The following BMP6 variants were observed in gnomAD, a reference collection of about 807,000 sequenced individuals.
BMP6 encodes VG-1-R.
BMP6 carries 17 observed loss-of-function variants against 54.1 expected under a neutral mutation model. That is an observed-to-expected ratio of 0.31 (90% CI 0.22 to 0.47). The LOEUF (loss-of-function observed/expected upper bound fraction) is 0.47, where lower values mean the gene tolerates loss of function less well. BMP6 is among the 20% of genes least tolerant of loss of function. The probability of loss-of-function intolerance (pLI) is 1.00; values close to 1 mark genes in which losing one functional copy is unlikely to be tolerated. For synonymous variants in BMP6, 328 were observed against 291.2 expected, an observed-to-expected ratio of 1.13 and a Z score of -1.28; for missense variants, 720 against 690.4, an observed-to-expected ratio of 1.04 and a Z score of -0.48.
chr6:7,777,734 C>T (rs1757882697), intron 1 of BMP6, among the ~76,000 whole-genome samples: 1 of 149,900 alleles, frequency 6.7e-6, no homozygotes, highest in Non-Finnish European at 1.5e-5. Flanking sequence ...CCCCAGTAAA[C>T]ACATCAGAAC....
intron 1 of BMP6, among the ~76,000 whole-genome samples, chr6:7,810,039 A>T (rs1380882351): frequency 6.6e-6 from 1 of 152,166 alleles, no homozygotes; most frequent in East Asian, 1.9e-4. Flanking sequence ...CCATTTTTTT[A>T]AAACAAAGAT....
chr6:7,831,158 G>A (rs1012621727), intron 1 of BMP6, among the ~76,000 whole-genome samples: 3 of 152,288 alleles, frequency 2.0e-5, no homozygotes, highest in South Asian at 2.1e-4. Flanking sequence ...GCTACAACAT[G>A]GATGCACCTT....
intron 1 of BMP6, among the ~76,000 whole-genome samples, chr6:7,732,556 C>T (rs1761883678): frequency 6.6e-6 from 1 of 152,222 alleles, no homozygotes; most frequent in Non-Finnish European, 1.5e-5. Context: ...AAACAATGCT[C>T]AGTGCTTGCT....
At chr6:7,876,599 C>T (rs532224791) in intron 4 of BMP6, among the ~76,000 whole-genome samples, 2 of 152,206 alleles carry the variant, frequency 1.3e-5, no homozygotes, top group South Asian at 4.1e-4. Flanking sequence ...TTAATTCTGT[C>T]TTCAGTTATG....
chr6:7,745,779 CAG>C (rs1757337299), intron 1 of BMP6, among the ~76,000 whole-genome samples: 2 of 151,154 alleles, frequency 1.3e-5, no homozygotes, highest in Non-Finnish European at 1.5e-5. Flanking sequence ...CTGGCCCAAA[CAG>C]AGCATGATGG....
chr6:7,731,796 C>G (rs1002052789), intron 1 of BMP6, among the ~76,000 whole-genome samples: 2 of 152,006 alleles, frequency 1.3e-5, no homozygotes, highest in African/African-American at 4.8e-5. Flanking sequence ...TATTAGTCAC[C>G]CATATGTATA....
At chr6:7,814,445 G>A (rs961515983) in intron 1 of BMP6, among the ~76,000 whole-genome samples, 4 of 152,122 alleles carry the variant, frequency 2.6e-5, no homozygotes, top group Non-Finnish European at 5.9e-5. Context: ...CCCGATTTCT[G>A]TCTTCCTGTT....
At chr6:7,737,492 T>C (rs903172851) in intron 1 of BMP6, among the ~76,000 whole-genome samples, 5 of 148,378 alleles carry the variant, frequency 3.4e-5, no homozygotes, top group African/African-American at 1.0e-4. Context: ...CAGAGCCTTC[T>C]AACACCAACT....
At chr6:7,753,795 C>A (rs1757461816) in intron 1 of BMP6, among the ~76,000 whole-genome samples, 1 of 152,174 alleles carries the variant, frequency 6.6e-6, no homozygotes, top group African/African-American at 2.4e-5. Flanking sequence ...GTTGTGCTTT[C>A]TATTTGCATT....
intron 1 of BMP6, among the ~76,000 whole-genome samples, chr6:7,747,099 C>T (rs1757359735): frequency 6.6e-6 from 1 of 152,180 alleles, no homozygotes; most frequent in Admixed American, 6.5e-5. Context: ...ATCCGCAAAA[C>T]TTCATTACCT....
intron 1 of BMP6, among the ~76,000 whole-genome samples, chr6:7,807,494 T>A (rs1758364309): frequency 6.6e-6 from 1 of 152,138 alleles, no homozygotes; most frequent in Admixed American, 6.5e-5. Context: ...TTGGCCAGAC[T>A]GGTCTCGAAC....
intron 1 of BMP6, among the ~76,000 whole-genome samples, chr6:7,783,887 T>C (rs985574744): frequency 1.3e-5 from 2 of 152,228 alleles, no homozygotes; most frequent in African/African-American, 4.8e-5. Context: ...GCAGGCCTTG[T>C]GGAATTCTGG....
At position 7,865,305 on chromosome 6, in the gene BMP6, A is replaced by G. The variant is rs1471019838; in HGVS notation, c.1204+2807A>G. ...CCACCTCCCAAGCCAGTACTTCCAAATTTGCTTTGTCCCTTTCAGTAGTAC... is the reference window on the plus strand; with the variant it reads ...CCACCTCCCAAGCCAGTACTTCCAAGTTTGCTTTGTCCCTTTCAGTAGTAC... On this transcript the variant is annotated intron_variant, in intron 4 of 6. Transcript: ENST00000283147. 2.0e-5 allele frequency among the ~76,000 whole-genome samples: 3 copies of G among 152,036 alleles called. No individual in the cohort carries two copies. The East Asian group carries it at 5.8e-4, about 29-fold the overall frequency.
intron 1 of BMP6, among the ~76,000 whole-genome samples, chr6:7,747,794 G>A (rs1757368139): frequency 1.3e-5 from 2 of 152,054 alleles, no homozygotes; most frequent in Non-Finnish European, 2.9e-5. Flanking sequence ...GTACAGGCAT[G>A]CACTACCTTG....
intron 1 of BMP6, among the ~76,000 whole-genome samples, chr6:7,822,795 G>A (rs933366706): frequency 2.6e-5 from 4 of 152,106 alleles, no homozygotes; most frequent in Admixed American, 2.0e-4. Flanking sequence ...AGGCACCAGC[G>A]TCAGCAATTC....
intron 1 of BMP6, among the ~76,000 whole-genome samples, chr6:7,738,987 T>A (rs771589398): frequency 8.5e-4 from 129 of 152,244 alleles, no homozygotes; most frequent in Non-Finnish European, 1.1e-3. Flanking sequence ...AAGATCCTCA[T>A]GGCTTGTTTT....
rs10587005 is a variant in BMP6 at position 7,760,062 on chromosome 6, C to CT, written c.664+32464dup. ...TCACATCTTAATTTTTATTTTTCAA[C>CT]TTTTTTTTTTTTTTTTTTTTTAGAT... is the stretch of plus-strand genomic sequence containing the variant. On this transcript the variant is annotated intron_variant, in intron 1 of 6. Transcript: ENST00000283147. 1.8e-3 allele frequency among the ~76,000 whole-genome samples: 209 copies of CT among 114,456 alleles called. 3 individuals carry two copies. Among genetic ancestry groups the CT allele is most frequent in the East Asian group, 9.6e-3 (37 of 3,868 alleles). The allele number at this position is 114,456 out of a possible 152,430, so 75.1% of individuals were successfully genotyped here.
At chr6:7,869,663 T>C (rs1029454786) in intron 4 of BMP6, among the ~76,000 whole-genome samples, 1 of 152,142 alleles carries the variant, frequency 6.6e-6, no homozygotes, top group Non-Finnish European at 1.5e-5. Context: ...GCCTTCCCAT[T>C]TGTTTTCTCC....
At chr6:7,826,115 C>A (rs1276385156) in intron 1 of BMP6, among the ~76,000 whole-genome samples, 1 of 152,182 alleles carries the variant, frequency 6.6e-6, no homozygotes, top group Admixed American at 6.5e-5. Context: ...TGCAGTGGTG[C>A]CTGAGGGTGG....
Sources: gnomAD v4.1 joint callset for allele counts (sites outside exome capture counted in the v4.1 genomes callset) on GRCh38, gnomAD v4.1.1 for gene constraint, MANE v1.5 for transcripts, NCBI Gene and HGNC (gene_info 2026-07-23, HGNC 2026-07-21) for gene names.